The following HERC1 variants were observed in gnomAD, a reference collection of about 807,000 sequenced individuals.
HERC1 encodes the protein HECT and RLD domain containing E3 ubiquitin protein ligase family member 1, also known as probable E3 ubiquitin-protein ligase HERC1.
HERC1 carries 160 observed loss-of-function variants against 554.3 expected under a neutral mutation model. The observed-to-expected ratio is 0.29, with a 90% CI of 0.25 to 0.33. The LOEUF (loss-of-function observed/expected upper bound fraction) is 0.33. HERC1 is among the 10% of genes least tolerant of loss of function. The pLI, the probability that HERC1 is intolerant of heterozygous loss-of-function variation, is 1.00. For synonymous variants in HERC1, 2,175 were observed against 2,131.7 expected, an observed-to-expected ratio of 1.02 and a Z score of -0.56; for missense variants, 4,919 against 5,918.5, an observed-to-expected ratio of 0.83 and a Z score of 5.54.
intron 43 of HERC1, among the ~76,000 whole-genome samples, chr15:63,663,478 C>G (rs1311610487): frequency 6.6e-6 from 1 of 152,176 alleles, no homozygotes; most frequent in Non-Finnish European, 1.5e-5. Context: ...TTTTTAGAGA[C>G]AGGATCTGGA....
intron 39 of HERC1, among the ~76,000 whole-genome samples, chr15:63,671,488 G>A (rs2070921145): frequency 6.6e-6 from 1 of 152,148 alleles, no homozygotes; most frequent in Non-Finnish European, 1.5e-5. Context: ...GAGCTAACAT[G>A]TAGGAGATAT....
At position 63,612,352 on chromosome 15, in the gene HERC1, C is replaced by T; in HGVS notation, c.14299G>A (p.Glu4767Lys). ...FWHTLEEFSN[E>K]ERVLFMRFVS... is the part of the protein sequence containing the mutation. ...AACCTCATGAAAAGCACCCGCTCCT[C>T]ATTGGAGAACTCTTCCAGCGTGTGC... is the stretch of plus-strand genomic sequence containing the variant. Residue 4767 changes from glutamate to lysine, a missense_variant, in exon 77 of 78, where the codon GAG becomes AAG. Transcript: ENST00000443617. This position sits in a 1 kb window ranked among gnomAD's most constrained non-coding sequence, Gnocchi z 5.0. 6.2e-7 allele frequency: 1 copy of T among 1,614,066 alleles called. No individual in the cohort carries two copies. The highest frequency in any genetic ancestry group is 8.5e-7 in the Non-Finnish European group (1 of 1,179,896).
chr15:63,697,093 G>C (rs530214026), intron 26 of HERC1, among the ~76,000 whole-genome samples: 33 of 152,012 alleles, frequency 2.2e-4, no homozygotes, highest in African/African-American at 7.5e-4. Flanking sequence ...ATTAACATTG[G>C]TACAATACTA....
intron 1 of HERC1, among the ~76,000 whole-genome samples, chr15:63,805,441 G>A (rs1415677905): frequency 6.6e-6 from 1 of 152,116 alleles, no homozygotes; most frequent in African/African-American, 2.4e-5. Flanking sequence ...AAAAACCACG[G>A]TGATAAAAAG....
intron 66 of HERC1, 70 bp from the exon 67 acceptor site, chr15:63,634,040 C>T: frequency 6.4e-7 from 1 of 1,574,058 alleles, no homozygotes; most frequent in Non-Finnish European, 8.7e-7. Flanking sequence ...TTCTGGGACC[C>T]TTTTTCTCTA....
chr15:63,658,536 A>G lies in HERC1; in HGVS notation c.9599+8T>C. On this transcript the variant is annotated splice_region_variant and intron_variant, in intron 48 of 77. Transcript: ENST00000443617. ...ACTTAGCATCATGTGACATAAAATA[A>G]CACTTACCTGACTGAGAGAAGAGAC... 1 of 1,603,404 alleles carries G rather than the reference A, an allele frequency of 6.2e-7. No individual in the cohort carries two copies. The highest frequency in any genetic ancestry group is 1.1e-5 in the South Asian group (1 of 90,214).
At chr15:63,787,029 A>G (rs1227402775) in intron 1 of HERC1, among the ~76,000 whole-genome samples, 2 of 150,286 alleles carry the variant, frequency 1.3e-5, no homozygotes, top group African/African-American at 4.9e-5. Context: ...TTTAGTAGAG[A>G]TGGAGTTTCA....
At chr15:63,708,262 G>T (rs888150140) in intron 24 of HERC1, among the ~76,000 whole-genome samples, 1 of 152,054 alleles carries the variant, frequency 6.6e-6, no homozygotes, top group Non-Finnish European at 1.5e-5. Flanking sequence ...GAAAAATCTG[G>T]TTCTCTTGAA....
rs1193792061 is a variant in HERC1 at position 63,616,652 on chromosome 15, A to G, written c.13719T>C (p.Asp4573=). 3 of 1,613,772 alleles carry G rather than the reference A, an allele frequency of 1.9e-6. No homozygotes were observed. The Admixed American group carries it at 5.0e-5, about 27-fold the overall frequency. ...RFLFNPSACL[D]EHLMQFKFLG... ...AAAACTTAAACTGCATTAAGTGTTC[A>G]TCGAGGCAGGCAGAAGGGTTAAAAA... Residue 4573 remains aspartate, a synonymous_variant, in exon 75 of 78, where the codon GAT becomes GAC. Coordinates refer to ENST00000443617, the MANE Select transcript of HERC1 (RefSeq NM_003922.4).
At chr15:63,684,961 A>G (rs562224109) in intron 34 of HERC1, among the ~76,000 whole-genome samples, 50 of 152,306 alleles carry the variant, frequency 3.3e-4, no homozygotes, top group African/African-American at 1.2e-3. Flanking sequence ...GTGAGCCAAG[A>G]TCGCACCACT....
chr15:63,764,352 GCA>G (rs1177330442), intron 2 of HERC1, among the ~76,000 whole-genome samples, 161 bp from the exon 3 acceptor site: 1 of 152,166 alleles, frequency 6.6e-6, no homozygotes, highest in Non-Finnish European at 1.5e-5. Flanking sequence ...ACTAACTTTT[GCA>G]AGGAAGTTTT....
intron 1 of HERC1, among the ~76,000 whole-genome samples, chr15:63,786,932 TTTA>T (rs1263483354): frequency 4.0e-5 from 6 of 150,530 alleles, no homozygotes; most frequent in Non-Finnish European, 7.4e-5. Flanking sequence ...TTTTTTTTTT[TTTA>T]TTTTTTGAGA....
chr15:63,635,745 A>G (rs1369846173), intron 65 of HERC1, among the ~76,000 whole-genome samples: 1 of 152,222 alleles, frequency 6.6e-6, no homozygotes, highest in East Asian at 1.9e-4. Flanking sequence ...GAAAAAGACC[A>G]TTCTAACCAA....
chr15:63,698,880 A>C lies in HERC1; in HGVS notation c.4753T>G (p.Ser1585Ala). The C allele has an allele frequency of 6.2e-7, 1 of 1,613,990 alleles. No homozygotes were observed. The highest frequency in any genetic ancestry group is 8.5e-7 in the Non-Finnish European group (1 of 1,179,882). ...TCAATCAAAGTGTGAACTCCCAAAG[A>C]CTTGGTAAGATCAAAATCTGACTCA... ...SFESDFDLTKSLGVHTLIENV... is the reference protein window; with the variant it reads ...SFESDFDLTKALGVHTLIENV... The change falls in exon 26 of 78, where the codon TCT becomes GCT. Residue 1585 changes from serine to alanine, a missense_variant. By Grantham distance (99) the Ser-to-Ala change is moderately conservative (BLOSUM62 1). Coordinates refer to ENST00000443617, the MANE Select transcript of HERC1 (RefSeq NM_003922.4).
intron 65 of HERC1, among the ~76,000 whole-genome samples, chr15:63,635,440 C>T (rs955678954): frequency 2.0e-5 from 3 of 152,138 alleles, no homozygotes; most frequent in African/African-American, 7.2e-5. Context: ...GAACAGCATA[C>T]CCTGGAGTAA....
chr15:63,647,118 G>A (rs2069393237), intron 55 of HERC1, among the ~76,000 whole-genome samples: 1 of 152,006 alleles, frequency 6.6e-6, no homozygotes, highest in Non-Finnish European at 1.5e-5. Flanking sequence ...AGCCAGTTTG[G>A]TGGTGGGTGC....
intron 21 of HERC1, among the ~76,000 whole-genome samples, chr15:63,717,712 A>G (rs552476061): frequency 2.0e-5 from 3 of 152,092 alleles, no homozygotes; most frequent in Non-Finnish European, 4.4e-5. Context: ...GTCTACTAAA[A>G]ATACAAAAAA....
At chr15:63,833,701 C>T (rs2078238189) in intron 1 of HERC1, 126 bp downstream of exon 1, 1 of 152,324 alleles carries the variant, frequency 6.6e-6, no homozygotes. Context: ...GCTGCAGTCC[C>T]GAAACGGCCC....
intron 12 of HERC1, among the ~76,000 whole-genome samples, chr15:63,739,194 A>ATATTTT (rs1567071803): frequency 5.7e-4 from 29 of 50,638 alleles, no homozygotes; most frequent in African/African-American, 1.8e-3. Context: ...CCACTAATAT[A>ATATTTT]CTTTTTTTTT....
Sources: allele counts gnomAD v4.1 joint callset (sites outside exome capture counted in the v4.1 genomes callset), GRCh38; gene constraint gnomAD v4.1.1; non-coding constraint Gnocchi (gnomAD v3.1); transcripts MANE v1.5; gene names NCBI Gene and HGNC (gene_info 2026-07-23, HGNC 2026-07-21).